MICAL2: variants seen among roughly 807,000 people sequenced by gnomAD.
MICAL2 encodes the protein [F-actin]-monooxygenase MICAL2.
A neutral mutation model predicts 127.3 loss-of-function variants in MICAL2; 77 were observed. The ratio of observed to expected loss-of-function variants is 0.60; its 90% CI spans 0.50 to 0.73. The LOEUF is 0.73. MICAL2 is among the 30% of genes least tolerant of loss of function. The probability of loss-of-function intolerance (pLI) is 0.00; values close to 1 mark genes in which losing one functional copy is unlikely to be tolerated. For missense variants in MICAL2, 1,351 were observed against 1,434.4 expected, an observed-to-expected ratio of 0.94 and a Z score of 0.94; for synonymous variants, 570 against 551.1, an observed-to-expected ratio of 1.03 and a Z score of -0.48.
At chr11:12,355,480 C>T (rs185758268) in intron 34 of MICAL2, among the ~76,000 whole-genome samples, 39 of 152,300 alleles carry the variant, frequency 2.6e-4, no homozygotes, top group South Asian at 1.9e-3. Context: ...ATATTCACTC[C>T]GTTTTGCACC....
intron 11 of MICAL2, 21 bp from the exon 12 acceptor site, chr11:12,223,389 AG>A: frequency 2.5e-6 from 4 of 1,606,544 alleles, no homozygotes; most frequent in Non-Finnish European, 3.4e-6. Flanking sequence ...CTGGTGGGCA[AG>A]CATGTCTCTC....
downstream of MICAL2, chr11:12,292,004 C>A: frequency 9.5e-7 from 1 of 1,050,776 alleles, no homozygotes; most frequent in Non-Finnish European, 1.4e-6. Context: ...ACGCCTTGGG[C>A]ACCAGGAACC....
At chr11:12,144,046 A>G (rs1480488528) in intron 2 of MICAL2, among the ~76,000 whole-genome samples, 5 of 152,136 alleles carry the variant, frequency 3.3e-5, no homozygotes, top group African/African-American at 1.2e-4. Context: ...GCCCCAGGAA[A>G]TGAGTTTCAA....
rs112595856 is a variant in MICAL2, at chr11:12,340,015, C to T, written c.5516-9823C>T. 2.5e-3 allele frequency among the ~76,000 whole-genome samples: 375 copies of T among 152,324 alleles called. 2 individuals carry two copies. The highest frequency in any genetic ancestry group is 9.1e-3 in the South Asian group (44 of 4,822). On this transcript the variant is annotated intron_variant, in intron 32 of 34. Coordinates refer to the MICAL2 transcript ENST00000646065. ...AATCACCCATCTTCTGCGTCGCTCACGCTGGGAGCTATAGACTGGAGCTGT... is the reference window on the plus strand; with the variant it reads ...AATCACCCATCTTCTGCGTCGCTCATGCTGGGAGCTATAGACTGGAGCTGT...
At chr11:12,126,369 A>C (rs1850921418) in intron 1 of MICAL2, among the ~76,000 whole-genome samples, 1 of 152,182 alleles carries the variant, frequency 6.6e-6, no homozygotes, top group African/African-American at 2.4e-5. Context: ...ATGCTTTACA[A>C]ATCATCTCGT....
At chr11:12,191,338 G>T (rs887991945) in intron 3 of MICAL2, among the ~76,000 whole-genome samples, 1 of 151,974 alleles carries the variant, frequency 6.6e-6, no homozygotes, top group Non-Finnish European at 1.5e-5. Context: ...TGGGTGTGGT[G>T]GCATGTGTCT....
intron 32 of MICAL2, chr11:12,327,403 G>A (rs534778069): frequency 2.0e-5 from 14 of 701,768 alleles, no homozygotes; most frequent in African/African-American, 1.8e-4. Flanking sequence ...CACAAGTGCC[G>A]CACACTTTAA....
At chr11:12,308,626 T>A (rs10831782) in intron 29 of MICAL2, among the ~76,000 whole-genome samples, 20,600 of 152,260 alleles carry the variant, frequency 0.14, 1,641 homozygotes, top group South Asian at 0.23. Context: ...TCACTTATTA[T>A]TGTAATAGCT....
intron 3 of MICAL2, among the ~76,000 whole-genome samples, chr11:12,185,870 G>A (rs1007788356): frequency 3.3e-5 from 5 of 152,306 alleles, no homozygotes; most frequent in Non-Finnish European, 7.4e-5. Flanking sequence ...GAATCCCAAC[G>A]CCAGCCTGCG....
intron 29 of MICAL2, among the ~76,000 whole-genome samples, chr11:12,301,314 T>C (rs2134804581): frequency 6.6e-6 from 1 of 152,324 alleles, no homozygotes; most frequent in South Asian, 2.1e-4. Context: ...GATTTATCCA[T>C]GTTATGTGCA....
chr11:12,318,852 G>A (rs1864260058), intron 29 of MICAL2, among the ~76,000 whole-genome samples: 1 of 152,176 alleles, frequency 6.6e-6, no homozygotes, highest in African/African-American at 2.4e-5. Context: ...ATCACAGAGC[G>A]ATTCTAGTTA....
chr11:12,265,574 C>T (rs1863593093), downstream of MICAL2, among the ~76,000 whole-genome samples: 1 of 151,996 alleles, frequency 6.6e-6, no homozygotes, highest in East Asian at 1.9e-4. Flanking sequence ...AAAATATGAA[C>T]TAAATGTAAT....
intron 3 of MICAL2, among the ~76,000 whole-genome samples, chr11:12,175,669 T>A (rs888691234): frequency 6.6e-6 from 1 of 151,972 alleles, no homozygotes; most frequent in African/African-American, 2.4e-5. Flanking sequence ...AGTAGGTTGC[T>A]GTTTGATATA....
chr11:12,354,803 G>A, exon 34 of MICAL2: 3 of 1,614,048 alleles, frequency 1.9e-6, no homozygotes, highest in Non-Finnish European at 2.5e-6. Context: ...ACTGGAATTA[G>A]AAGATCATCA....
chr11:12,162,007 A>C, intron 2 of MICAL2, 72 bp from the exon 3 acceptor site: 1 of 968,282 alleles, frequency 1.0e-6, no homozygotes, highest in Non-Finnish European at 1.5e-6. Flanking sequence ...TTGCATTTTT[A>C]CTTCTCAGCA....
At chr11:12,270,053 T>G (rs1012975325) in intron 24 of MICAL2, among the ~76,000 whole-genome samples, 2 of 152,192 alleles carry the variant, frequency 1.3e-5, no homozygotes, top group African/African-American at 4.8e-5. Context: ...GCCTTTTCCC[T>G]AAAGGGCCAC....
intron 29 of MICAL2, among the ~76,000 whole-genome samples, chr11:12,305,585 A>G (rs560660868): frequency 7.2e-5 from 11 of 152,346 alleles, no homozygotes; most frequent in Admixed American, 7.2e-4. Flanking sequence ...TGATAGAATC[A>G]TTATAACAAT....
chr11:12,192,511 C>T (rs907133652), intron 3 of MICAL2, among the ~76,000 whole-genome samples: 5 of 152,196 alleles, frequency 3.3e-5, no homozygotes, highest in South Asian at 4.1e-4. Flanking sequence ...CGGTGGCTCA[C>T]GCCTGTAATC....
chr11:12,258,646 C>G (rs892646231), intron 25 of MICAL2, 90 bp downstream of exon 25: 2 of 1,187,716 alleles, frequency 1.7e-6, no homozygotes, highest in Non-Finnish European at 2.4e-6. Flanking sequence ...GCTTTGCTGG[C>G]CCTAGAGGGA....
Sources: allele counts gnomAD v4.1 joint callset (sites outside exome capture counted in the v4.1 genomes callset), GRCh38; gene constraint gnomAD v4.1.1; transcripts MANE v1.5; gene names NCBI Gene and HGNC (gene_info 2026-07-23, HGNC 2026-07-21).